Variants in EDEM3 observed in about 807,000 individuals in gnomAD.
EDEM3 encodes ER degradation-enhancing alpha-mannosidase-like protein 3.
In EDEM3, 60 loss-of-function variants were observed where a neutral mutation model predicts 110.2. The observed-to-expected ratio is 0.54, with a 90% CI of 0.44 to 0.67. The LOEUF (loss-of-function observed/expected upper bound fraction) is 0.67. Among genes scored for constraint, EDEM3 ranks in the 30% least tolerant of loss-of-function variants. EDEM3 has a pLI of 0.00. For missense variants in EDEM3, 996 were observed against 1,121.0 expected (o/e 0.89, Z 1.59); for synonymous variants, 352 against 382.9 (o/e 0.92, Z 0.94).
chr1:184,712,732 A>T, intron 13 of EDEM3, 134 bp from the exon 14 acceptor site: 1 of 576,094 alleles, frequency 1.7e-6, no homozygotes. Flanking sequence ...AGAATGTATC[A>T]ATCTACCAGG....
At chr1:184,709,775 G>A (rs1650126345) in intron 16 of EDEM3, among the ~76,000 whole-genome samples, 1 of 152,040 alleles carries the variant, frequency 6.6e-6, no homozygotes, top group Admixed American at 6.6e-5. Flanking sequence ...GTTGTGGGAG[G>A]GTTGAATTTG....
At position 184,702,877 on chromosome 1, in the gene EDEM3, T is replaced by C; in HGVS notation, c.2323A>G (p.Ile775Val). The C allele has an allele frequency of 6.2e-7, 1 of 1,613,526 alleles. No homozygotes were observed. The highest frequency in any genetic ancestry group is 8.5e-7 in the Non-Finnish European group (1 of 1,179,728). The change falls in exon 19 of 20, where the codon ATA (isoleucine) becomes GTA (valine). Residue 775 changes from isoleucine to valine, a missense_variant. Around this residue, in one of 5 missense-constraint regions of EDEM3, gnomAD observed 345 missense variants for 402.0 expected, o/e 0.86. Coordinates refer to ENST00000318130, the MANE Select transcript of EDEM3 (RefSeq NM_025191.4). ...TCATATTCCCGGATGGCATCCAGTA[T>C]GATACTTCCTTCTTTGCTGAATAAG... ...LFLFSKEGSI[I>V]LDAIREYEEV...
At chr1:184,724,541 A>C (rs1393926990) in intron 7 of EDEM3, among the ~76,000 whole-genome samples, 1 of 152,214 alleles carries the variant, frequency 6.6e-6, no homozygotes, top group East Asian at 1.9e-4. Flanking sequence ...ATAAATGCAA[A>C]GGGCAAGTAC....
At chr1:184,740,208 A>C (rs1341535520) in intron 2 of EDEM3, among the ~76,000 whole-genome samples, 1 of 152,214 alleles carries the variant, frequency 6.6e-6, no homozygotes, top group Non-Finnish European at 1.5e-5. Context: ...TGTTAAGTAC[A>C]TGTTTCAACT....
intron 12 of EDEM3, 22 bp from the exon 13 acceptor site, chr1:184,717,034 G>A: frequency 1.3e-6 from 2 of 1,539,492 alleles, no homozygotes; most frequent in Non-Finnish European, 1.8e-6. Context: ...GAGAATATAT[G>A]TATAATATAT....
chr1:184,711,905 C>G (rs1049328044), intron 14 of EDEM3, 28 bp from the exon 15 acceptor site: 1 of 1,544,006 alleles, frequency 6.5e-7, no homozygotes, highest in Non-Finnish European at 8.7e-7. Flanking sequence ...TTTATGTAAA[C>G]AGAAATAATT....
chr1:184,732,663 C>A, intron 6 of EDEM3, 174 bp downstream of exon 6: 3 of 631,608 alleles, frequency 4.7e-6, no homozygotes, highest in South Asian at 2.7e-5. Flanking sequence ...ATTATCACAT[C>A]ACTTAGAAGT....
intron 19 of EDEM3, among the ~76,000 whole-genome samples, chr1:184,699,815 C>CGAA (rs1317898845): frequency 1.3e-5 from 2 of 151,852 alleles, no homozygotes; most frequent in Admixed American, 6.6e-5. Context: ...GGCTTACACT[C>CGAA]TAAGCTGCAA....
chr1:184,717,719 T>A, intron 11 of EDEM3, 96 bp from the exon 12 acceptor site: 1 of 788,210 alleles, frequency 1.3e-6, no homozygotes, highest in Non-Finnish European at 1.8e-6. Context: ...TAAAAGCAAT[T>A]AAAATAGCAA....
intron 19 of EDEM3, 31 bp from the exon 20 acceptor site, chr1:184,694,503 C>T: frequency 6.6e-7 from 1 of 1,513,448 alleles, no homozygotes; most frequent in Non-Finnish European, 8.8e-7. Flanking sequence ...CCTCATGCTA[C>T]TTCTCTAAAA....
chr1:184,712,191 G>T (rs1431206232), intron 14 of EDEM3, among the ~76,000 whole-genome samples: 1 of 152,084 alleles, frequency 6.6e-6, no homozygotes, highest in African/African-American at 2.4e-5. Flanking sequence ...CTCCCAGAGT[G>T]CTGGGACTAC....
At chr1:184,718,308 A>G (rs1650668212) in intron 11 of EDEM3, among the ~76,000 whole-genome samples, 1 of 152,120 alleles carries the variant, frequency 6.6e-6, no homozygotes, top group Non-Finnish European at 1.5e-5. Flanking sequence ...TTTTTAAAAG[A>G]AAATAAAAAT....
At chr1:184,747,134 G>A (rs1471034966) in intron 2 of EDEM3, among the ~76,000 whole-genome samples, 1 of 151,764 alleles carries the variant, frequency 6.6e-6, no homozygotes, top group Non-Finnish European at 1.5e-5. Context: ...AAAGGTGAAT[G>A]TATTAAAAAT....
Position 184,710,514 on chromosome 1 carries a change from A to AG in EDEM3, c.1724dup (p.Leu576SerfsTer10). On this transcript the variant is annotated frameshift_variant, in exon 16 of 20. Transcript: ENST00000318130. LOFTEE classifies it high-confidence loss of function. ...TGGCCATGAAATCTCTGGCTCTCAG[A>AG]GGGGGTTTAGCTCCACTCCTGAAAC... 1 of 1,613,768 alleles carries AG rather than the reference A, an allele frequency of 6.2e-7. No homozygotes were observed. Among genetic ancestry groups the AG allele is most frequent in the Non-Finnish European group, 8.5e-7 (1 of 1,179,820 alleles).
intron 6 of EDEM3, among the ~76,000 whole-genome samples, chr1:184,727,079 G>A (rs1441355562): frequency 6.6e-6 from 1 of 152,172 alleles, no homozygotes; most frequent in African/African-American, 2.4e-5. Flanking sequence ...ATCACTTGAG[G>A]CCAGAAGTTT....
At chr1:184,709,349 AG>A (rs1297599979) in intron 16 of EDEM3, among the ~76,000 whole-genome samples, 1 of 152,232 alleles carries the variant, frequency 6.6e-6, no homozygotes, top group Non-Finnish European at 1.5e-5. Flanking sequence ...TAAAAATGAT[AG>A]CTAAGCTTGT....
chr1:184,729,175 A>C (rs1651359564), intron 6 of EDEM3, among the ~76,000 whole-genome samples: 1 of 152,142 alleles, frequency 6.6e-6, no homozygotes, highest in African/African-American at 2.4e-5. Flanking sequence ...GTTTAAGAAA[A>C]AAAGAGATGA....
chr1:184,737,453 A>C (rs1651894342), intron 3 of EDEM3, among the ~76,000 whole-genome samples, 158 bp downstream of exon 3: 1 of 152,252 alleles, frequency 6.6e-6, no homozygotes, highest in South Asian at 2.1e-4. Context: ...ATCTTTTATA[A>C]ATGATAACAG....
At chr1:184,725,521 A>C (rs1239957453) in intron 7 of EDEM3, among the ~76,000 whole-genome samples, 1 of 152,068 alleles carries the variant, frequency 6.6e-6, no homozygotes, top group Non-Finnish European at 1.5e-5. Context: ...ACAGACATAC[A>C]TTCAAAGGCA....
Sources: allele counts gnomAD v4.1 joint callset (sites outside exome capture counted in the v4.1 genomes callset), GRCh38; gene constraint gnomAD v4.1.1; regional missense constraint gnomAD v4.1.1; transcripts MANE v1.5; gene names NCBI Gene and HGNC (gene_info 2026-07-23, HGNC 2026-07-21).